Variants in RPL19 observed in about 807,000 individuals in gnomAD.
RPL19 encodes large ribosomal subunit protein eL19.
A neutral mutation model predicts 25.1 loss-of-function variants in RPL19; 2 were observed. The observed-to-expected ratio is 0.08, with a 90% CI of 0.03 to 0.25. The LOEUF (loss-of-function observed/expected upper bound fraction) is 0.25. RPL19 is among the 10% of genes least tolerant of loss of function. RPL19 has a pLI of 1.00. For synonymous variants in RPL19, 89 were observed against 91.2 expected (o/e 0.98, Z 0.14); for missense variants, 123 against 271.8 (o/e 0.45, Z 3.85).
intron 2 of RPL19, 100 bp from the exon 3 acceptor site, chr17:39,202,215 CGT>C: frequency 7.0e-7 from 1 of 1,421,464 alleles, no homozygotes; most frequent in Non-Finnish European, 9.7e-7. Flanking sequence ...TTTTTGAGAC[CGT>C]GGGGCCAAGA....
intron 3 of RPL19, 143 bp downstream of exon 3, chr17:39,202,582 C>G (rs1252848560): frequency 1.9e-6 from 2 of 1,076,004 alleles, no homozygotes; most frequent in East Asian, 2.5e-5. Context: ...GTGTGCAAAT[C>G]AGAAAGTTGG....
At position 39,204,666 on chromosome 17, in the gene RPL19, G is replaced by C; in HGVS notation, c.*18G>C. 6.2e-7 allele frequency: 1 copy of C among 1,611,348 alleles called. No individual in the cohort carries two copies. Among genetic ancestry groups the C allele is most frequent in the Non-Finnish European group, 8.5e-7 (1 of 1,178,232 alleles). ...AGAAATAAAACCTCCCACTTTGTCT[G>C]TACATACTGGCCTCTGTGATTACAT... On this transcript the variant is annotated 3_prime_UTR_variant, in exon 6 of 6. Transcript: ENST00000225430.
chr17:39,204,289 G>T (rs2144212336), intron 5 of RPL19, 102 bp downstream of exon 5: 1 of 866,840 alleles, frequency 1.2e-6, no homozygotes, highest in East Asian at 2.5e-5. Context: ...CTTGCACGTA[G>T]TCTGTCTTAG....
intron 1 of RPL19, 58 bp downstream of exon 1, chr17:39,200,407 C>T: frequency 6.9e-7 from 1 of 1,448,400 alleles, no homozygotes; most frequent in Non-Finnish European, 9.2e-7. Context: ...GACTGTCGGT[C>T]TTGGGACCGC....
intron 1 of RPL19, 167 bp downstream of exon 1, chr17:39,200,516 AGG>A: frequency 8.5e-7 from 1 of 1,171,484 alleles, no homozygotes. Flanking sequence ...CTCCGGAGTG[AGG>A]GGGGGCGGGG....
chr17:39,204,041 A>C (rs748409797), intron 4 of RPL19, 36 bp from the exon 5 acceptor site: 15 of 1,230,264 alleles, frequency 1.2e-5, no homozygotes, highest in East Asian at 2.3e-5. Context: ...CTGATCCATC[A>C]CCAACCAGCA....
At chr17:39,202,717 G>C in intron 3 of RPL19, 1 of 590,458 alleles carries the variant, frequency 1.7e-6, no homozygotes, top group Non-Finnish European at 3.0e-6. Context: ...CTTACAACGT[G>C]CTGTGTTGCC....
At chr17:39,202,860 A>T in intron 3 of RPL19, 129 bp from the exon 4 acceptor site, 1 of 1,010,028 alleles carries the variant, frequency 9.9e-7, no homozygotes, top group Non-Finnish European at 1.5e-6. Context: ...AAATGGAAGT[A>T]ATGCTACTTA....
At chr17:39,203,871 A>C (rs1366051240) in intron 4 of RPL19, among the ~76,000 whole-genome samples, 1 of 152,140 alleles carries the variant, frequency 6.6e-6, no homozygotes, top group Non-Finnish European at 1.5e-5. Context: ...CCTGTATGTC[A>C]TCAGGATAGC....
At chr17:39,200,832 T>C in intron 1 of RPL19, 2 of 924,116 alleles carry the variant, frequency 2.2e-6, no homozygotes, top group Non-Finnish European at 2.7e-6. Context: ...GTTACTGTGA[T>C]AAAACAGGGA....
At chr17:39,201,695 C>A (rs1275121897) in intron 2 of RPL19, among the ~76,000 whole-genome samples, 1 of 152,192 alleles carries the variant, frequency 6.6e-6, no homozygotes, top group African/African-American at 2.4e-5. Context: ...TCCTCAGCCT[C>A]CCAAGTAGCT....
chr17:39,204,101 G>A lies in RPL19; in HGVS notation c.381G>A (p.Val127=), dbSNP rs954938684. The change falls in exon 5 of 6, where the codon GTG becomes GTA. Residue 127 remains valine (V), a synonymous_variant. Transcript: ENST00000225430. The part of the protein sequence containing the change: ...RHMYHSLYLK[V]KGNVFKNKRI... ...GGTATCACAGCCTGTACCTGAAGGT[G>A]AAGGGGAATGTGTTCAAAAACAAGC... 5 of 1,611,002 alleles carry A rather than the reference G, an allele frequency of 3.1e-6. No homozygotes were observed. Among genetic ancestry groups the A allele is most frequent in the Non-Finnish European group, 4.2e-6 (5 of 1,177,334 alleles).
At chr17:39,201,420 C>T (rs1308511098) in intron 2 of RPL19, 101 bp downstream of exon 2, 11 of 688,802 alleles carry the variant, frequency 1.6e-5, no homozygotes, top group African/African-American at 3.7e-5. Flanking sequence ...TTTTTTTAGA[C>T]AGTCTTGCTC....
intron 1 of RPL19, 97 bp from the exon 2 acceptor site, chr17:39,201,116 G>T (rs1207981656): frequency 1.3e-6 from 1 of 783,358 alleles, no homozygotes; most frequent in East Asian, 2.5e-5. Context: ...TTATTTCGCG[G>T]CTGTGGTGTG....
At chr17:39,201,068 C>A (rs777480123) in intron 1 of RPL19, 145 bp from the exon 2 acceptor site, 10 of 639,346 alleles carry the variant, frequency 1.6e-5, no homozygotes, top group Admixed American at 1.2e-4. Context: ...GGGCCAGCTG[C>A]ATAGCCCAGA....
At chr17:39,201,848 C>T (rs1355298088) in intron 2 of RPL19, among the ~76,000 whole-genome samples, 3 of 152,064 alleles carry the variant, frequency 2.0e-5, no homozygotes, top group Non-Finnish European at 4.4e-5. Flanking sequence ...CTGGGATTAT[C>T]GACGTGAGCC....
chr17:39,200,569 T>G lies in RPL19; in HGVS notation c.5+220T>G, dbSNP rs34709746. The G allele has an allele frequency of 7.6e-3, 9,838 of 1,300,264 alleles. 592 individuals are homozygous for G. The African/African-American group carries it at 0.13, about 18-fold the overall frequency. The allele number at this position is 1,300,264 out of a possible 1,614,324, so 80.5% of individuals were successfully genotyped here. On this transcript the variant is annotated intron_variant, in intron 1 of 5. Coordinates refer to ENST00000225430, the MANE Select transcript of RPL19 (RefSeq NM_000981.4). ...GAGACCAGGAAAAGTCTGCCCCGGC[T>G]GGTGCCGCACCGCACACGTGTCCGG...
rs1448880541 is a variant in RPL19 at position 39,204,701 on chromosome 17, A to G, written c.*53A>G. 14 of 1,570,056 alleles carry G rather than the reference A, an allele frequency of 8.9e-6. No individual in the cohort carries two copies. In the East Asian group the frequency reaches 2.7e-4, roughly 30 times the overall value. On this transcript the variant is annotated 3_prime_UTR_variant, in exon 6 of 6. Transcript: ENST00000225430. ...GCCTCTGTGATTACATAGATCAGCCATTAAAATAAAACAAGCCTTAATCTG... is the reference window on the plus strand; with the variant it reads ...GCCTCTGTGATTACATAGATCAGCCGTTAAAATAAAACAAGCCTTAATCTG...
chr17:39,201,791 C>T (rs1434555973), intron 2 of RPL19, among the ~76,000 whole-genome samples: 1 of 152,106 alleles, frequency 6.6e-6, no homozygotes, highest in Non-Finnish European at 1.5e-5. Flanking sequence ...AGGCTGGTCT[C>T]AAACTCCTGA....
Sources: allele counts gnomAD v4.1 joint callset (sites outside exome capture counted in the v4.1 genomes callset), GRCh38; gene constraint gnomAD v4.1.1; transcripts MANE v1.5; gene names NCBI Gene and HGNC (gene_info 2026-07-23, HGNC 2026-07-21).